SGCD: variants seen among roughly 807,000 people sequenced by gnomAD.
SGCD encodes the protein sarcoglycan delta.
In SGCD, 18 loss-of-function variants were observed where a neutral mutation model predicts 36.6. The observed-to-expected ratio is 0.49, with a 90% CI of 0.34 to 0.73. SGCD has a LOEUF of 0.73. Among genes scored for constraint, SGCD ranks in the 30% least tolerant of loss-of-function variants. The pLI, the probability that SGCD is intolerant of heterozygous loss-of-function variation, is 0.01. For missense variants in SGCD, 387 were observed against 346.7 expected (o/e 1.12, Z -0.92); for synonymous variants, 133 against 130.6 (o/e 1.02, Z -0.12).
chr5:156,352,335 A>G (rs1769301683), intron 3 of SGCD, among the ~76,000 whole-genome samples: 1 of 152,230 alleles, frequency 6.6e-6, no homozygotes. Flanking sequence ...GAACCAAAGT[A>G]GATAGCAAAG....
intron 7 of SGCD, among the ~76,000 whole-genome samples, chr5:156,706,463 C>T (rs1275626447): frequency 6.6e-6 from 1 of 152,142 alleles, no homozygotes; most frequent in Non-Finnish European, 1.5e-5. Context: ...TAAGACCCCA[C>T]ACTACATCCA....
intron 3 of SGCD, among the ~76,000 whole-genome samples, chr5:156,395,254 A>G (rs1213755243): frequency 2.6e-5 from 4 of 152,216 alleles, no homozygotes; most frequent in Non-Finnish European, 5.9e-5. Context: ...AGGCTGTGCC[A>G]TGGAGAAGCT....
chr5:156,092,890 A>T (rs1176345961), intron 1 of SGCD, among the ~76,000 whole-genome samples: 1 of 152,198 alleles, frequency 6.6e-6, no homozygotes, highest in Non-Finnish European at 1.5e-5. Context: ...AACTCCTGTT[A>T]TAGGTACTGC....
rs1772297340 is a variant in SGCD, at chr5:156,404,197, T to A, written c.192+59520T>A. Among the ~76,000 whole-genome samples the A allele has an allele frequency of 7.9e-5, 12 of 152,304 alleles. 1 individual carries two copies. The South Asian group carries it at 2.5e-3, about 32-fold the overall frequency. ...AGCACGAATATTCTTAAGAATGTTG[T>A]TCCCATTCCCTTCATCGGCTTACCT... is the stretch of plus-strand genomic sequence containing the variant. On this transcript the variant is annotated intron_variant, in intron 3 of 8. Coordinates refer to ENST00000337851, the MANE Select transcript of SGCD (RefSeq NM_000337.6).
chr5:156,135,047 G>C (rs1288134197), intron 3 of SGCD, among the ~76,000 whole-genome samples: 1 of 152,092 alleles, frequency 6.6e-6, no homozygotes, highest in African/African-American at 2.4e-5. Flanking sequence ...AACAATTCTT[G>C]TTTTTATGAA....
intron 2 of SGCD, among the ~76,000 whole-genome samples, chr5:156,330,551 GGT>G (rs1371035307): frequency 2.0e-5 from 3 of 151,920 alleles, no homozygotes; most frequent in Non-Finnish European, 4.4e-5. Context: ...CTTAAGGCTG[GGT>G]GTCTTGAGTC....
At chr5:156,267,675 A>C (rs1024685156) in intron 3 of SGCD, among the ~76,000 whole-genome samples, 1 of 151,870 alleles carries the variant, frequency 6.6e-6, no homozygotes, top group Non-Finnish European at 1.5e-5. Flanking sequence ...CACTTCTGCA[A>C]GAATGAAACT....
chr5:156,447,337 A>G (rs1753792714), intron 3 of SGCD, among the ~76,000 whole-genome samples: 1 of 152,168 alleles, frequency 6.6e-6, no homozygotes, highest in South Asian at 2.1e-4. Flanking sequence ...AATCTAATAC[A>G]ATATAACACA....
At chr5:156,506,972 A>G (rs990802009) in intron 3 of SGCD, among the ~76,000 whole-genome samples, 10 of 152,202 alleles carry the variant, frequency 6.6e-5, no homozygotes, top group African/African-American at 2.4e-4. Flanking sequence ...TGGGTCCTCT[A>G]GGCAAAGACT....
At chr5:156,365,612 A>G (rs545979935) in intron 3 of SGCD, among the ~76,000 whole-genome samples, 3 of 152,210 alleles carry the variant, frequency 2.0e-5, no homozygotes, top group Admixed American at 6.5e-5. Flanking sequence ...GCATACATGT[A>G]TGTATACACA....
intron 3 of SGCD, among the ~76,000 whole-genome samples, chr5:156,423,340 A>AC (rs1491150483): frequency 7.0e-4 from 9 of 12,834 alleles, no homozygotes; most frequent in Non-Finnish European, 7.5e-4. Context: ...TTATAATATA[A>AC]TATATTATAA....
chr5:156,463,108 A>G (rs912843046), intron 3 of SGCD, among the ~76,000 whole-genome samples: 1 of 152,140 alleles, frequency 6.6e-6, no homozygotes, highest in Non-Finnish European at 1.5e-5. Context: ...CATCAGAGAC[A>G]GTGTGTATTA....
chr5:155,774,710 C>T, the SGCD span, among the ~76,000 whole-genome samples: 1 of 152,140 alleles, frequency 6.6e-6, no homozygotes, highest in Non-Finnish European at 1.5e-5. Context: ...CTGTGATAGG[C>T]ACTCTTGGGA....
intron 1 of SGCD, among the ~76,000 whole-genome samples, chr5:155,886,382 G>A (rs978994563): frequency 6.6e-6 from 1 of 152,188 alleles, no homozygotes; most frequent in Non-Finnish European, 1.5e-5. Context: ...CAAATGTCCA[G>A]ATGAGAGAAT....
intron 3 of SGCD, among the ~76,000 whole-genome samples, chr5:156,288,764 T>A (rs369779912): frequency 1.6e-4 from 25 of 152,250 alleles, no homozygotes; most frequent in Middle Eastern, 6.8e-3. Context: ...TTCCAAGTAA[T>A]CTGTTTTGTG....
chr5:155,950,487 G>A (rs943442220), intron 1 of SGCD, among the ~76,000 whole-genome samples: 3 of 152,162 alleles, frequency 2.0e-5, no homozygotes, highest in Admixed American at 6.6e-5. Context: ...TATGGATAAA[G>A]AGATGGGGTT....
chr5:156,552,656 T>C (rs1758846502), intron 4 of SGCD, among the ~76,000 whole-genome samples: 1 of 151,952 alleles, frequency 6.6e-6, no homozygotes, highest in South Asian at 2.1e-4. Context: ...AATAAGAACA[T>C]CCTCCTGCAG....
At chr5:156,634,757 A>G (rs762677131) in intron 6 of SGCD, among the ~76,000 whole-genome samples, 4 of 152,158 alleles carry the variant, frequency 2.6e-5, no homozygotes, top group Admixed American at 6.6e-5. Flanking sequence ...CAAAGAGTAC[A>G]TTTTCCTTTA....
At chr5:156,306,999 T>C (rs1419111605) in intron 3 of SGCD, among the ~76,000 whole-genome samples, 11 of 152,032 alleles carry the variant, frequency 7.2e-5, no homozygotes, top group Non-Finnish European at 1.2e-4. Flanking sequence ...TATAACCACC[T>C]GTGGTGTTTT....
Sources: gnomAD v4.1 joint callset for allele counts (sites outside exome capture counted in the v4.1 genomes callset) on GRCh38, gnomAD v4.1.1 for gene constraint, MANE v1.5 for transcripts, NCBI Gene and HGNC (gene_info 2026-07-23, HGNC 2026-07-21) for gene names.